The following LDAH variants were observed in gnomAD, a reference collection of about 807,000 sequenced individuals.
The protein encoded by LDAH is lipid droplet-associated hydrolase.
A neutral mutation model predicts 29.6 loss-of-function variants in LDAH; 26 were observed. The observed-to-expected ratio is 0.88, with a 90% CI of 0.64 to 1.22. LDAH has a LOEUF of 1.22. LDAH is among the 50% of genes most tolerant of loss of function. The pLI, the probability that LDAH is intolerant of heterozygous loss-of-function variation, is 0.00. For synonymous variants in LDAH, 117 were observed against 133.0 expected (o/e 0.88, Z 0.83); for missense variants, 344 against 387.3 (o/e 0.89, Z 0.94).
chr2:20,697,530 T>C lies in LDAH; in HGVS notation c.786+4040A>G, dbSNP rs897890662. On this transcript the variant is annotated intron_variant, in intron 6 of 6. Transcript: ENST00000237822. ...TGTTCATAGCTGGCATACATTCTGA[T>C]TGGTCAATCCCTATATCACATGGTT... is the stretch of plus-strand genomic sequence containing the variant. Among the ~76,000 whole-genome samples the C allele has an allele frequency of 3.9e-5, 6 of 152,344 alleles. No individual in the cohort carries two copies. In the Middle Eastern group the frequency reaches 0.014, roughly 345 times the overall value.
intron 5 of LDAH, among the ~76,000 whole-genome samples, chr2:20,704,511 T>C (rs994594409): frequency 6.6e-6 from 1 of 152,182 alleles, no homozygotes; most frequent in Non-Finnish European, 1.5e-5. Flanking sequence ...ATATATAATG[T>C]CAAATACATA....
chr2:20,737,996 G>A (rs552226415), intron 5 of LDAH, among the ~76,000 whole-genome samples: 2 of 152,194 alleles, frequency 1.3e-5, no homozygotes, highest in East Asian at 3.9e-4. Flanking sequence ...GCGCATGCCT[G>A]TAATCCCAGA....
chr2:20,791,171 T>C (rs567097619), intron 2 of LDAH, among the ~76,000 whole-genome samples: 82 of 152,300 alleles, frequency 5.4e-4, no homozygotes, highest in African/African-American at 1.9e-3. Context: ...TCTACTCCAT[T>C]TTTATATCTT....
intron 1 of LDAH, among the ~76,000 whole-genome samples, chr2:20,819,290 C>T (rs1429823920): frequency 6.6e-6 from 1 of 152,036 alleles, no homozygotes; most frequent in Non-Finnish European, 1.5e-5. Flanking sequence ...CACAAGTGTA[C>T]AAACTACTTA....
chr2:20,710,606 G>GTGTGTGTATATATATATATATATATA (rs1467950593), intron 5 of LDAH, among the ~76,000 whole-genome samples: 2 of 131,874 alleles, frequency 1.5e-5, no homozygotes, highest in African/African-American at 5.5e-5. Flanking sequence ...GTGTGTGTGT[G>GTGTGTGTATATATATATATATATATA]TATATATATA....
Position 20,690,843 on chromosome 2 carries a change from C to G in LDAH, c.787-3749G>C, listed in dbSNP as rs546283203. 3.6e-4 allele frequency among the ~76,000 whole-genome samples: 55 copies of G among 152,176 alleles called. 1 individual carries two copies. The highest frequency in any genetic ancestry group is 3.4e-3 in the Admixed American group (52 of 15,266). On this transcript the variant is annotated intron_variant, in intron 6 of 6. Coordinates refer to ENST00000237822, the MANE Select transcript of LDAH (RefSeq NM_021925.4). ...GAACCAATGGGCCGAGAGCAATGGC[C>G]AGGCTCTGTGCTAAGTAAGCACTTT... is the stretch of plus-strand genomic sequence containing the variant.
intron 5 of LDAH, among the ~76,000 whole-genome samples, chr2:20,703,241 C>A (rs1218357815): frequency 2.0e-5 from 3 of 152,230 alleles, no homozygotes; most frequent in Non-Finnish European, 4.4e-5. Context: ...GGTTGTAGTG[C>A]CAAACCATAG....
rs186845900 is a variant in LDAH, at chr2:20,720,122, A to C, written c.704-18470T>G. ...GAAGTCCTAGATAGAGCAATTAGGC[A>C]AGAGAAAGAAACAAAGAGTATCCAA... On this transcript the variant is annotated intron_variant, in intron 5 of 6. Transcript: ENST00000237822. 1.3e-4 allele frequency among the ~76,000 whole-genome samples: 20 copies of C among 152,322 alleles called. No individual in the cohort carries two copies. In the East Asian group the frequency reaches 3.7e-3, roughly 28 times the overall value.
At chr2:20,779,662 G>A (rs1158277920) in intron 3 of LDAH, among the ~76,000 whole-genome samples, 4 of 151,716 alleles carry the variant, frequency 2.6e-5, no homozygotes, top group Non-Finnish European at 5.9e-5. Flanking sequence ...TTTCTGTATT[G>A]TTTTATTTCA....
chr2:20,685,099 G>T lies in LDAH; in HGVS notation c.*1804C>A. ...ATTTCAAAAATTCATTTGGTTTTCA[G>T]ATGATAAATAGGAATTAAGAATGAG... On this transcript the variant is annotated 3_prime_UTR_variant, in exon 7 of 7. Coordinates refer to ENST00000237822, the MANE Select transcript of LDAH (RefSeq NM_021925.4). 1 of 786,358 alleles carries T rather than the reference G, an allele frequency of 1.3e-6. No homozygotes were observed. Among genetic ancestry groups the T allele is most frequent in the Non-Finnish European group, 1.8e-6 (1 of 544,418 alleles). The allele number at this position is 786,358 out of a possible 1,614,324, so 48.7% of individuals were successfully genotyped here.
At chr2:20,791,394 T>C (rs578075799) in intron 2 of LDAH, among the ~76,000 whole-genome samples, 1 of 152,292 alleles carries the variant, frequency 6.6e-6, no homozygotes, top group Non-Finnish European at 1.5e-5. Flanking sequence ...GTACAAAGCA[T>C]TGTAACACTG....
intron 6 of LDAH, among the ~76,000 whole-genome samples, chr2:20,696,937 C>G (rs1663537479): frequency 6.6e-6 from 1 of 152,150 alleles, no homozygotes; most frequent in Non-Finnish European, 1.5e-5. Context: ...AACCCTTAAG[C>G]TGGGTTCCCT....
intron 3 of LDAH, among the ~76,000 whole-genome samples, chr2:20,785,107 C>G (rs1670456651): frequency 6.6e-6 from 1 of 152,126 alleles, no homozygotes; most frequent in African/African-American, 2.4e-5. Context: ...CAATTTGGAA[C>G]AAGAAAAATA....
At chr2:20,801,145 C>T in intron 2 of LDAH, 165 bp downstream of exon 2, 3 of 662,986 alleles carry the variant, frequency 4.5e-6, no homozygotes, top group Non-Finnish European at 7.4e-6. Context: ...AAGAAAAACA[C>T]AAAATCCAGA....
intron 6 of LDAH, 95 bp downstream of exon 6, chr2:20,701,475 A>G: frequency 2.0e-6 from 2 of 997,844 alleles, no homozygotes; most frequent in East Asian, 2.4e-5. Flanking sequence ...ACCAACCCTT[A>G]AAGTCTTACA....
At chr2:20,756,859 T>C (rs1668378236) in intron 4 of LDAH, among the ~76,000 whole-genome samples, 1 of 152,174 alleles carries the variant, frequency 6.6e-6, no homozygotes, top group Non-Finnish European at 1.5e-5. Context: ...TCAGAAAATA[T>C]AATACTGACA....
At chr2:20,695,254 C>T (rs1043555780) in intron 6 of LDAH, among the ~76,000 whole-genome samples, 3 of 152,098 alleles carry the variant, frequency 2.0e-5, no homozygotes, top group African/African-American at 4.8e-5. Flanking sequence ...TTGGGCATTC[C>T]GGGGTCTCTT....
intron 4 of LDAH, among the ~76,000 whole-genome samples, chr2:20,767,378 G>A (rs1669115275): frequency 1.3e-5 from 2 of 152,212 alleles, no homozygotes; most frequent in South Asian, 4.1e-4. Context: ...TGATCTTGGA[G>A]TAGGGTTGGG....
intron 4 of LDAH, 82 bp from the exon 5 acceptor site, chr2:20,740,287 A>G (rs1667086828): frequency 2.2e-6 from 2 of 900,080 alleles, no homozygotes; most frequent in South Asian, 3.1e-5. Flanking sequence ...TATAGTAATG[A>G]CAAATGAATG....
Sources: allele counts gnomAD v4.1 joint callset (sites outside exome capture counted in the v4.1 genomes callset), GRCh38; gene constraint gnomAD v4.1.1; transcripts MANE v1.5; gene names NCBI Gene and HGNC (gene_info 2026-07-23, HGNC 2026-07-21).